TSBP1: variants seen among roughly 807,000 people sequenced by gnomAD.
The protein encoded by TSBP1 is testis expressed basic protein 1, also known as testis-expressed basic protein 1.
TSBP1 carries 56 observed loss-of-function variants against 68.8 expected under a neutral mutation model. The ratio of observed to expected loss-of-function variants is 0.81; its 90% confidence interval spans 0.66 to 1.02. The LOEUF (loss-of-function observed/expected upper bound fraction) is 1.02, where lower values mean the gene tolerates loss of function less well. Among genes scored for constraint, TSBP1 ranks in the 50% least tolerant of loss-of-function variants. The pLI is 0.00. For missense variants in TSBP1, 502 were observed against 641.2 expected (o/e 0.78, Z 2.34); for synonymous variants, 171 against 208.7 (o/e 0.82, Z 1.56).
chr6:32,302,592 A>C lies in TSBP1; in HGVS notation c.601+17T>G. 1 of 1,507,448 alleles carries C rather than the reference A, an allele frequency of 6.6e-7. No individual in the cohort carries two copies. The highest frequency in any genetic ancestry group is 1.4e-5 in the African/African-American group (1 of 69,996). The allele number at this position is 1,507,448 out of a possible 1,614,324, so 93.4% of individuals were successfully genotyped here. ...CCTACAAGAAACTAATGTAATAAAA[A>C]TATATTAGGAACTTACTAGTGTGAA... On this transcript the variant is annotated intron_variant, in intron 20 of 22. Transcript: ENST00000612031. This position sits in a 1 kb window ranked among gnomAD's most constrained non-coding sequence, Gnocchi z 5.1.
At chr6:32,327,492 C>T (rs1362875494) in intron 16 of TSBP1, among the ~76,000 whole-genome samples, 3 of 152,150 alleles carry the variant, frequency 2.0e-5, no homozygotes, top group African/African-American at 7.2e-5. Context: ...AGCCTCAGAC[C>T]TGTTTCTGCT....
In TSBP1 at chr6:32,323,109, ATACT is replaced by A; in HGVS notation, c.559+4_559+7del. On this transcript the variant is annotated splice_donor_5th_base_variant and intron_variant, in intron 18 of 22. Coordinates refer to ENST00000612031, the Ensembl canonical transcript of TSBP1. ...GAACCAAAGAAGAAAAAGAGATGTT[ATACT>A]TACTTATGGGTGCCATGGGTGGACC... 1 of 1,571,706 alleles carries A rather than the reference ATACT, an allele frequency of 6.4e-7. No homozygotes were observed. Among genetic ancestry groups the A allele is most frequent in the Non-Finnish European group, 8.7e-7 (1 of 1,146,012 alleles).
intron 7 of TSBP1, 77 bp from the exon 8 acceptor site, chr6:32,355,221 G>C: frequency 7.0e-7 from 1 of 1,430,722 alleles, no homozygotes; most frequent in Non-Finnish European, 9.8e-7. Flanking sequence ...AGCTTCAGTT[G>C]CTGTCACCCC....
chr6:32,301,962 C>CTA (rs1765343139), intron 20 of TSBP1, among the ~76,000 whole-genome samples: 1 of 135,454 alleles, frequency 7.4e-6, no homozygotes, highest in African/African-American at 3.0e-5. Context: ...TAGTTGAAAT[C>CTA]ATCATCATAA....
chr6:32,334,127 C>G (rs1769370423), intron 14 of TSBP1: 1 of 156,446 alleles, frequency 6.4e-6, no homozygotes, highest in African/African-American at 2.4e-5. Flanking sequence ...TTCTTCCTTC[C>G]TTTCCGGTTT....
In TSBP1 at chr6:32,347,424, T is replaced by G. The variant is rs1475670288; in HGVS notation, c.349+2316A>C. Among the ~76,000 whole-genome samples, 2 of 152,202 alleles carry G rather than the reference T, an allele frequency of 1.3e-5. 1 individual carries two copies. The highest frequency in any genetic ancestry group is 2.9e-5 in the Non-Finnish European group (2 of 68,030). On this transcript the variant is annotated intron_variant, in intron 9 of 22. Coordinates refer to ENST00000612031, the Ensembl canonical transcript of TSBP1. ...TTGTTTTAGAAAAAATCCATACCCA[T>G]ATACATGCCTGAATGTAGGTAAATG...
chr6:32,319,561 C>G (rs1007506826), intron 18 of TSBP1, among the ~76,000 whole-genome samples: 1 of 152,048 alleles, frequency 6.6e-6, no homozygotes, highest in Non-Finnish European at 1.5e-5. Context: ...TCTTGTCGCT[C>G]TGGCCCTACC....
chr6:32,303,140 G>A (rs1765465943), intron 19 of TSBP1, among the ~76,000 whole-genome samples: 1 of 151,290 alleles, frequency 6.6e-6, no homozygotes, highest in African/African-American at 2.5e-5. Flanking sequence ...CTACCCTAGG[G>A]TGGTTTACTT....
intron 19 of TSBP1, among the ~76,000 whole-genome samples, chr6:32,308,957 C>CTTTTTTTTTTTT (rs9279571): frequency 8.2e-6 from 1 of 122,050 alleles, no homozygotes; most frequent in Non-Finnish European, 1.7e-5. Context: ...TTTCTTCCTG[C>CTTTTTTTTTTTT]TTTTTTTTTT....
chr6:32,301,974 A>C (rs1765350438), intron 20 of TSBP1, among the ~76,000 whole-genome samples: 2 of 148,844 alleles, frequency 1.3e-5, no homozygotes, highest in African/African-American at 2.5e-5. Context: ...TCATCATAAT[A>C]ATAATAATAA....
In TSBP1 at chr6:32,346,003, AT is replaced by A. The variant is rs1164787889; in HGVS notation, c.349+3736del. Among the ~76,000 whole-genome samples the A allele has an allele frequency of 2.6e-3, 134 of 51,776 alleles. 4 individuals carry two copies. Among genetic ancestry groups the A allele is most frequent in the African/African-American group, 6.8e-3 (106 of 15,532 alleles). 34.0% of individuals were successfully genotyped at this position (51,776 alleles called of 152,430 possible). On this transcript the variant is annotated intron_variant, in intron 9 of 22. Coordinates refer to ENST00000612031, the Ensembl canonical transcript of TSBP1. ...TAATCCCAAAATGTGTCATATCCTC[AT>A]TTTTTTTTTTTTTTTTTTTTTGAGA...
At position 32,366,658 on chromosome 6, in the gene TSBP1, A is replaced by C. The variant is rs141257473; in HGVS notation, c.167-356T>G. Reference sequence around the variant, plus strand: ...GCAGGTGCCTGTGGTCACTGCTCAGAAGGCTGAGAGAGGAGAATGGCGTGA... The same window carrying C: ...GCAGGTGCCTGTGGTCACTGCTCAGCAGGCTGAGAGAGGAGAATGGCGTGA... On this transcript the variant is annotated intron_variant, in intron 4 of 22. Coordinates refer to ENST00000612031, the Ensembl canonical transcript of TSBP1. Among the ~76,000 whole-genome samples the C allele has an allele frequency of 5.9e-3, 877 of 149,476 alleles. 8 individuals are homozygous for C. Among genetic ancestry groups the C allele is most frequent in the African/African-American group, 0.017 (714 of 41,048 alleles).
At chr6:32,341,940 A>G (rs1770407950) in intron 9 of TSBP1, among the ~76,000 whole-genome samples, 1 of 151,836 alleles carries the variant, frequency 6.6e-6, no homozygotes, top group African/African-American at 2.4e-5. Flanking sequence ...CATAGATCAG[A>G]AAAAAAACCC....
rs117947324 is a variant in TSBP1, at chr6:32,318,737, C to T, written c.560-2945G>A. ...AAAGAAGATTAGTGGTTGCCTGGGG[C>T]TATGGTGTGGAGAGGGTTTTGGGTT... is the stretch of plus-strand genomic sequence containing the variant. On this transcript the variant is annotated intron_variant, in intron 18 of 22. Coordinates refer to ENST00000612031, the Ensembl canonical transcript of TSBP1. Among the ~76,000 whole-genome samples the T allele has an allele frequency of 6.0e-3, 915 of 152,048 alleles. 43 individuals carry two copies. The South Asian group carries it at 0.09, about 15-fold the overall frequency.
chr6:32,371,210 G>A (rs745977564), intron 1 of TSBP1, among the ~76,000 whole-genome samples: 3 of 152,000 alleles, frequency 2.0e-5, no homozygotes, highest in Admixed American at 6.6e-5. Context: ...ATAACTCATC[G>A]GGGAGGAAAG....
rs1033496 is a variant in TSBP1, at chr6:32,340,329, G to C, written c.350-691C>G. ...CCTTCTTTGTGTATAATTATTTTTC[G>C]CTTATTTGTTACTTTGCTGTTTTGG... is the stretch of plus-strand genomic sequence containing the variant. On this transcript the variant is annotated intron_variant, in intron 9 of 22. Coordinates refer to ENST00000612031, the Ensembl canonical transcript of TSBP1. This position sits in a 1 kb window ranked among gnomAD's most constrained non-coding sequence, Gnocchi z 4.8. Among the ~76,000 whole-genome samples the C allele has an allele frequency of 0.34, 51,156 of 151,376 alleles. 9,672 individuals carry two copies. Among genetic ancestry groups the C allele is most frequent in the Middle Eastern group, 0.52 (153 of 294 alleles).
chr6:32,345,252 C>G (rs1322665757), intron 9 of TSBP1, among the ~76,000 whole-genome samples: 2 of 149,608 alleles, frequency 1.3e-5, no homozygotes, highest in African/African-American at 4.9e-5. Context: ...CCTATGTGCT[C>G]CCTTCTTATT....
intron 1 of TSBP1, among the ~76,000 whole-genome samples, chr6:32,371,237 A>G (rs1774390159): frequency 6.6e-6 from 1 of 152,144 alleles, no homozygotes; most frequent in South Asian, 2.1e-4. Flanking sequence ...TAGATGGTGT[A>G]CTCAGTACTA....
At position 32,292,986 on chromosome 6, in the gene TSBP1, C is replaced by T. The variant is rs1045550568; in HGVS notation, c.1687G>A (p.Glu563Lys). 1.3e-6 allele frequency: 2 copies of T among 1,592,266 alleles called. No homozygotes were observed. Among genetic ancestry groups the T allele is most frequent in the African/African-American group, 2.7e-5 (2 of 73,496 alleles). ...GGCCTTTAAAAAATTTATCCTTACTCTTCCACTTTTTTGTTGTACTTCCTT... is the reference window on the plus strand; with the variant it reads ...GGCCTTTAAAAAATTTATCCTTACTTTTCCACTTTTTTGTTGTACTTCCTT... Residue 563 changes from glutamate (E) to lysine (K), a missense_variant, in exon 23 of 23, where the codon GAG (glutamate) becomes AAG (lysine). Glu to Lys is a moderately conservative substitution (Grantham distance 56). Transcript: ENST00000612031. The surrounding 1 kb of genome is among the most constrained non-coding windows in gnomAD (Gnocchi z 4.1).
Sources: allele counts gnomAD v4.1 joint callset (sites outside exome capture counted in the v4.1 genomes callset), GRCh38; gene constraint gnomAD v4.1.1; non-coding constraint Gnocchi (gnomAD v3.1); transcripts MANE v1.5; gene names NCBI Gene and HGNC (gene_info 2026-07-23, HGNC 2026-07-21).